ADGRV1: variants seen among roughly 807,000 people sequenced by gnomAD.
The protein encoded by ADGRV1 is adhesion G protein-coupled receptor V1, also known as G-protein coupled receptor 98.
ADGRV1 carries 359 observed loss-of-function variants against 596.2 expected under a neutral mutation model. The observed-to-expected ratio is 0.60, with a 90% confidence interval of 0.55 to 0.66. The LOEUF (loss-of-function observed/expected upper bound fraction) is 0.66. Ranked by LOEUF, ADGRV1 falls within the 30% of genes least tolerant of loss-of-function variation. The pLI, the probability that ADGRV1 is intolerant of heterozygous loss-of-function variation, is 0.00. For synonymous variants in ADGRV1, 2,681 were observed against 2,679.2 expected (o/e 1.00, Z -0.02); for missense variants, 7,274 against 7,575.6 (o/e 0.96, Z 1.48).
chr5:90,747,674 G>T (rs116775387), intron 52 of ADGRV1, among the ~76,000 whole-genome samples: 4,852 of 152,222 alleles, frequency 0.032, 125 homozygotes, highest in Middle Eastern at 0.054. Flanking sequence ...CCTCTGCCTG[G>T]CACATACCAA....
rs16869088 is a variant in ADGRV1, at chr5:90,756,476, A to C, written c.11603A>C (p.Glu3868Ala). The C allele has an allele frequency of 6.5e-7, 1 of 1,540,298 alleles. No homozygotes were observed. The highest frequency in any genetic ancestry group is 8.8e-7 in the Non-Finnish European group (1 of 1,142,742). ...ILPDDLPELE[E>A]GFIVTITEVN... ...CAGGATGACCTTCCTGAATTGGAGG[A>C]AGGATTTATTGTCACTATCACTGAG... The change falls in exon 56 of 90, where the codon GAA (glutamate) becomes GCA (alanine). Residue 3868 changes from glutamate to alanine, a missense_variant. Around this residue, in one of 5 missense-constraint regions of ADGRV1, gnomAD observed 3,643 missense variants for 3,809.2 expected, o/e 0.96. Coordinates refer to ENST00000405460, the MANE Select transcript of ADGRV1 (RefSeq NM_032119.4).
rs546240320 is a variant in ADGRV1 at position 91,083,493 on chromosome 5, C to T, written c.18310+10889C>T. ...AACTCAAGTGAATAGAAGAAAGTGA[C>T]GTTTTTACAATATGTTGTTTTTTGT... On this transcript the variant is annotated intron_variant, in intron 86 of 89. Coordinates refer to ENST00000405460, the MANE Select transcript of ADGRV1 (RefSeq NM_032119.4). Among the ~76,000 whole-genome samples, 5 of 152,126 alleles carry T rather than the reference C, an allele frequency of 3.3e-5. 1 individual carries two copies. Among genetic ancestry groups the T allele is most frequent in the African/African-American group, 9.6e-5 (4 of 41,508 alleles).
Position 90,816,981 on chromosome 5 carries a change from T to C in ADGRV1, c.16196+1245T>C, listed in dbSNP as rs1475704848. Reference sequence around the variant, plus strand: ...TTCTAGTTCTAGATCCCTGAGGAATTGCCACACTGACTTCCACAATGGTTG... The same window carrying C: ...TTCTAGTTCTAGATCCCTGAGGAATCGCCACACTGACTTCCACAATGGTTG... On this transcript the variant is annotated intron_variant, in intron 75 of 89. Coordinates refer to ENST00000405460, the MANE Select transcript of ADGRV1 (RefSeq NM_032119.4). Among the ~76,000 whole-genome samples the C allele has an allele frequency of 7.8e-3, 1,183 of 151,902 alleles. 15 individuals are homozygous for C. Among genetic ancestry groups the C allele is most frequent in the African/African-American group, 0.027 (1,105 of 41,360 alleles).
At chr5:91,105,108 A>G (rs1460912863) in intron 87 of ADGRV1, among the ~76,000 whole-genome samples, 1 of 151,932 alleles carries the variant, frequency 6.6e-6, no homozygotes, top group Non-Finnish European at 1.5e-5. Context: ...AACTCAAGCA[A>G]TCCACTCATC....
chr5:90,849,419 C>A (rs140056399), intron 79 of ADGRV1, among the ~76,000 whole-genome samples: 2 of 151,948 alleles, frequency 1.3e-5, no homozygotes, highest in South Asian at 2.1e-4. Flanking sequence ...GATGGAGTTT[C>A]GCTCTTGTCG....
rs143062145 is a variant in ADGRV1, at chr5:90,987,968, G to A, written c.18152+2446G>A. On this transcript the variant is annotated intron_variant, in intron 85 of 89. Coordinates refer to ENST00000405460, the MANE Select transcript of ADGRV1 (RefSeq NM_032119.4). Reference sequence around the variant, plus strand: ...AATTTTTGTCTCCTTAGCTCTTTGAGATTGCCAGATAATTCGCTGGCTTTC... The same window carrying A: ...AATTTTTGTCTCCTTAGCTCTTTGAAATTGCCAGATAATTCGCTGGCTTTC... 7.3e-3 allele frequency among the ~76,000 whole-genome samples: 1,105 copies of A among 152,262 alleles called. 4 individuals carry two copies. The highest frequency in any genetic ancestry group is 0.011 in the Non-Finnish European group (771 of 68,024).
chr5:90,692,515 A>G, intron 31 of ADGRV1, 90 bp from the exon 32 acceptor site: 1 of 924,700 alleles, frequency 1.1e-6, no homozygotes, highest in South Asian at 1.8e-5. Context: ...TTGTACTTGT[A>G]TGTATATGTT....
intron 17 of ADGRV1, among the ~76,000 whole-genome samples, chr5:90,649,039 CTG>C (rs1319467482): frequency 6.6e-6 from 1 of 152,166 alleles, no homozygotes; most frequent in Non-Finnish European, 1.5e-5. Context: ...GAGTCTCACT[CTG>C]TCACCAGGCT....
rs1424234921 is a variant in ADGRV1 at position 90,717,417 on chromosome 5, A to T, written c.9447+688A>T. On this transcript the variant is annotated intron_variant, in intron 43 of 89. Transcript: ENST00000405460. Reference sequence around the variant, plus strand: ...AAAAAAAAAAGCAATTTGCAAGATTATGTTGCAAATGTGATTTTTTTTTTT... The same window carrying T: ...AAAAAAAAAAGCAATTTGCAAGATTTTGTTGCAAATGTGATTTTTTTTTTT... 4.2e-5 allele frequency: 6 copies of T among 142,338 alleles called. No individual in the cohort carries two copies. In the East Asian group the frequency reaches 1.3e-3, roughly 30 times the overall value. The allele number at this position is 142,338 out of a possible 1,614,324, so 8.8% of individuals were successfully genotyped here.
chr5:90,936,825 T>C (rs1163290019), intron 83 of ADGRV1, among the ~76,000 whole-genome samples: 1 of 152,192 alleles, frequency 6.6e-6, no homozygotes. Context: ...AACATATGGT[T>C]TTTTTGCTAC....
intron 33 of ADGRV1, among the ~76,000 whole-genome samples, chr5:90,695,685 AAC>A (rs57491420): frequency 0.2 from 30,413 of 151,842 alleles, 3,710 homozygotes; most frequent in East Asian, 0.4. Context: ...CGCTTTTTGA[AAC>A]ACATAATAAT....
chr5:90,677,030 A>G (rs1372739006), intron 25 of ADGRV1, among the ~76,000 whole-genome samples: 1 of 152,176 alleles, frequency 6.6e-6, no homozygotes. Flanking sequence ...TGGGAGTGTT[A>G]TGGAATACAT....
intron 87 of ADGRV1, among the ~76,000 whole-genome samples, chr5:91,117,931 G>A (rs2126729605): frequency 6.6e-6 from 1 of 152,262 alleles, no homozygotes; most frequent in East Asian, 1.9e-4. Context: ...TACATGTGAA[G>A]CATGGCCATG....
intron 1 of ADGRV1, among the ~76,000 whole-genome samples, chr5:90,588,899 CCTAA>C (rs1403575047): frequency 6.6e-6 from 1 of 152,108 alleles, no homozygotes; most frequent in Admixed American, 6.5e-5. Context: ...TAACTCGGAG[CCTAA>C]CTGCCTCCTT....
intron 83 of ADGRV1, among the ~76,000 whole-genome samples, chr5:90,866,529 A>G (rs1269321463): frequency 6.6e-6 from 1 of 152,108 alleles, no homozygotes; most frequent in Non-Finnish European, 1.5e-5. Context: ...CTCTTTAGCC[A>G]TGATGGCGTT....
chr5:90,646,402 AT>A (rs5869510), intron 16 of ADGRV1, among the ~76,000 whole-genome samples: 77 of 150,770 alleles, frequency 5.1e-4, no homozygotes, highest in Middle Eastern at 6.9e-3. Context: ...ATTTCTCGGT[AT>A]TTTTTTTTCT....
At chr5:91,158,412 A>C (rs1035587697) in intron 89 of ADGRV1, among the ~76,000 whole-genome samples, 2 of 152,190 alleles carry the variant, frequency 1.3e-5, no homozygotes, top group African/African-American at 4.8e-5. Context: ...ACCCTTAAAA[A>C]CCAAAACCTA....
In ADGRV1 at chr5:91,075,118, C is replaced by A. The variant is rs139504859; in HGVS notation, c.18310+2514C>A. 6.8e-4 allele frequency among the ~76,000 whole-genome samples: 104 copies of A among 152,222 alleles called. 1 individual carries two copies. The East Asian group carries it at 0.014, about 21-fold the overall frequency. ...TGAGCGCATAGTTTGCAAAAATTTT[C>A]TCCCATTCTGTAGGTTGCCTTTTTA... On this transcript the variant is annotated intron_variant, in intron 86 of 89. Transcript: ENST00000405460.
intron 87 of ADGRV1, among the ~76,000 whole-genome samples, chr5:91,118,931 TATC>T (rs1793077370): frequency 6.6e-6 from 1 of 152,016 alleles, no homozygotes. Context: ...AACTAGAACT[TATC>T]ATTTTCTTCT....
Sources: gnomAD v4.1 joint callset for allele counts (sites outside exome capture counted in the v4.1 genomes callset) on GRCh38, gnomAD v4.1.1 for gene constraint, gnomAD v4.1.1 regional missense constraint, MANE v1.5 for transcripts, NCBI Gene and HGNC (gene_info 2026-07-23, HGNC 2026-07-21) for gene names.